IGSF10: variants seen among roughly 807,000 people sequenced by gnomAD.
The protein encoded by IGSF10 is immunoglobulin superfamily member 10, also known as calvaria mechanical force protein 608.
IGSF10 carries 126 observed loss-of-function variants against 128.2 expected under a neutral mutation model. The observed-to-expected ratio is 0.98, with a 90% CI of 0.85 to 1.14. IGSF10 has a LOEUF of 1.14. IGSF10 is among the 50% of genes most tolerant of loss of function. The pLI, the probability that IGSF10 is intolerant of heterozygous loss-of-function variation, is 0.00. For synonymous variants in IGSF10, 1,185 were observed against 1,146.2 expected, an observed-to-expected ratio of 1.03 and a Z score of -0.68; for missense variants, 3,295 against 3,149.8, an observed-to-expected ratio of 1.05 and a Z score of -1.10.
At chr3:151,468,549 G>A in the IGSF10 span, among the ~76,000 whole-genome samples, 2 of 152,164 alleles carry the variant, frequency 1.3e-5, no homozygotes, top group Non-Finnish European at 2.9e-5. Context: ...GGGGCTCCCA[G>A]GGATTCTCTA....
the IGSF10 span, among the ~76,000 whole-genome samples, chr3:151,584,038 A>G: frequency 1.3e-5 from 2 of 152,198 alleles, no homozygotes; most frequent in Non-Finnish European, 2.9e-5. Context: ...CAGTTATCAA[A>G]GAGTGTCATA....
the IGSF10 span, among the ~76,000 whole-genome samples, chr3:151,558,413 A>G: frequency 3.3e-5 from 5 of 152,056 alleles, no homozygotes; most frequent in Non-Finnish European, 7.4e-5. Context: ...AAGACCACAA[A>G]TGTAGGTCAT....
At chr3:151,505,553 G>A in the IGSF10 span, among the ~76,000 whole-genome samples, 1 of 152,180 alleles carries the variant, frequency 6.6e-6, no homozygotes, top group African/African-American at 2.4e-5. Flanking sequence ...AGTTCCCCGA[G>A]AACGAAGTTC....
the IGSF10 span, among the ~76,000 whole-genome samples, chr3:151,468,915 G>A: frequency 6.6e-6 from 1 of 152,082 alleles, no homozygotes; most frequent in African/African-American, 2.4e-5. Context: ...AGGCCCCAGT[G>A]TATGTTGTTC....
chr3:151,576,769 T>A, the IGSF10 span, among the ~76,000 whole-genome samples: 1 of 152,168 alleles, frequency 6.6e-6, no homozygotes, highest in African/African-American at 2.4e-5. Flanking sequence ...TGTGGGAAGT[T>A]ACCCTATATG....
At chr3:151,562,265 T>C in the IGSF10 span, among the ~76,000 whole-genome samples, 1 of 152,118 alleles carries the variant, frequency 6.6e-6, no homozygotes, top group Non-Finnish European at 1.5e-5. Context: ...CACAGCAATG[T>C]CAGGAAGTTA....
the IGSF10 span, among the ~76,000 whole-genome samples, chr3:151,618,797 AT>A: frequency 9.2e-3 from 1,380 of 150,226 alleles, 24 homozygotes; most frequent in African/African-American, 0.032. Context: ...AATAAAATAA[AT>A]AAAAAATAAA....
At position 151,437,830 on chromosome 3, in the gene IGSF10, C is replaced by CTATT; in HGVS notation, c.6730_6731insAATA (p.Arg2244LysfsTer2). The CTATT allele has an allele frequency of 6.2e-7, 1 of 1,613,982 alleles. No homozygotes were observed. Among genetic ancestry groups the CTATT allele is most frequent in the Non-Finnish European group, 8.5e-7 (1 of 1,180,010 alleles). ...CACAGCTGTGGCTTTAATAACAGTT[C>CTATT]TGTTTGTATACAGACCATTGATTAA... On this transcript the variant is annotated stop_gained and frameshift_variant, in exon 8 of 8. Transcript: ENST00000282466. LOFTEE classifies it low-confidence loss of function (END_TRUNC).
chr3:151,474,588 A>G, the IGSF10 span, among the ~76,000 whole-genome samples: 5 of 152,224 alleles, frequency 3.3e-5, no homozygotes, highest in Admixed American at 2.6e-4. Flanking sequence ...ACTAGGACCA[A>G]TTAGACCCTA....
chr3:151,550,157 TAGTA>T, the IGSF10 span, among the ~76,000 whole-genome samples: 773 of 152,314 alleles, frequency 5.1e-3, 11 homozygotes, highest in African/African-American at 0.017. Flanking sequence ...ACTCTGCTAA[TAGTA>T]AGAGAAAAAT....
At chr3:151,513,517 T>A in the IGSF10 span, among the ~76,000 whole-genome samples, 1 of 152,176 alleles carries the variant, frequency 6.6e-6, no homozygotes, top group East Asian at 1.9e-4. Flanking sequence ...AATATCATAC[T>A]TGAATGGGCA....
At chr3:151,453,158 T>C (rs1044888968) in intron 5 of IGSF10, among the ~76,000 whole-genome samples, 1 of 152,182 alleles carries the variant, frequency 6.6e-6, no homozygotes. Context: ...AAGAGCCAGA[T>C]AGTAAGGATT....
At chr3:151,539,365 T>C in the IGSF10 span, among the ~76,000 whole-genome samples, 1 of 152,166 alleles carries the variant, frequency 6.6e-6, no homozygotes, top group African/African-American at 2.4e-5. Context: ...TCTTCCTTCT[T>C]TTAAATTCAT....
chr3:151,445,062 AAAGAGT>A lies in IGSF10; in HGVS notation c.4913_4918del (p.Asp1638_Leu1640delinsVal). On this transcript the variant is annotated inframe_deletion, in exon 6 of 8. Transcript: ENST00000282466. ...GGGCTTTTCAAATATATACCTAGACAAAGAGTCAAAGGGAAGGAGTTTGGAAGTTGT... is the reference window on the plus strand; with the variant it reads ...GGGCTTTTCAAATATATACCTAGACACAAAGGGAAGGAGTTTGGAAGTTGT... 2 of 1,614,204 alleles carry A rather than the reference AAAGAGT, an allele frequency of 1.2e-6. No individual in the cohort carries two copies. The highest frequency in any genetic ancestry group is 2.2e-5 in the South Asian group (2 of 91,082).
At chr3:151,491,026 C>A in the IGSF10 span, among the ~76,000 whole-genome samples, 7 of 151,822 alleles carry the variant, frequency 4.6e-5, no homozygotes, top group Non-Finnish European at 8.8e-5. Context: ...CAGAAATAAA[C>A]AGAAAACAGA....
chr3:151,447,617 G>C lies in IGSF10; in HGVS notation c.2364C>G (p.Asn788Lys), dbSNP rs1297512280. The change falls in exon 6 of 8, where the codon AAC becomes AAG. Residue 788 changes from asparagine (N) to lysine (K), a missense_variant. By Grantham distance (94) the Asn-to-Lys change is moderately conservative (BLOSUM62 0). Transcript: ENST00000282466. ...AGGAATCGTCTTCTTCACCAGGTAT[G>C]TTTGGGAGTTGGGTGACCACTGGGG... ...SPPPVVTQLP[N>K]IPGEEDDSSG... 1 of 1,614,036 alleles carries C rather than the reference G, an allele frequency of 6.2e-7. No homozygotes were observed. The highest frequency in any genetic ancestry group is 1.3e-5 in the African/African-American group (1 of 74,918).
chr3:151,542,124 T>C, the IGSF10 span, among the ~76,000 whole-genome samples: 1 of 152,176 alleles, frequency 6.6e-6, no homozygotes, highest in East Asian at 1.9e-4. Context: ...TTTCAGGTAC[T>C]CCAGGTTCTG....
the IGSF10 span, among the ~76,000 whole-genome samples, chr3:151,480,629 C>T: frequency 3.3e-5 from 5 of 152,156 alleles, no homozygotes; most frequent in South Asian, 2.1e-4. Flanking sequence ...CCCTGAGGCT[C>T]GGCTGCCACT....
At chr3:151,541,107 C>G in the IGSF10 span, among the ~76,000 whole-genome samples, 1 of 152,128 alleles carries the variant, frequency 6.6e-6, no homozygotes, top group African/African-American at 2.4e-5. Flanking sequence ...AAAAAACAAA[C>G]CTTAAAATAC....
Sources: gnomAD v4.1 joint callset for allele counts (sites outside exome capture counted in the v4.1 genomes callset) on GRCh38, gnomAD v4.1.1 for gene constraint, MANE v1.5 for transcripts, NCBI Gene and HGNC (gene_info 2026-07-23, HGNC 2026-07-21) for gene names.